NALF1: variants seen among roughly 807,000 people sequenced by gnomAD.
NALF1 encodes family with sequence similarity 155 member A.
NALF1 carries 3 observed loss-of-function variants against 48.4 expected under a neutral mutation model. That is an observed-to-expected ratio of 0.06 (90% CI 0.03 to 0.16). The LOEUF (loss-of-function observed/expected upper bound fraction) is 0.16. NALF1 is among the 10% of genes least tolerant of loss of function. The pLI, the probability that NALF1 is intolerant of heterozygous loss-of-function variation, is 1.00. For synonymous variants in NALF1, 262 were observed against 245.7 expected, an observed-to-expected ratio of 1.07 and a Z score of -0.62; for missense variants, 526 against 571.5, an observed-to-expected ratio of 0.92 and a Z score of 0.81.
rs953660492 is a variant in NALF1, at chr13:107,547,975, A to AT, written c.915+317706dup. ...ATGCTTGTCTAGAAAGCCCCTTCCT[A>AT]TTTTTTTTAAATTTTAGGTTCAGGA... On this transcript the variant is annotated intron_variant, in intron 1 of 2. Coordinates refer to ENST00000375915, the MANE Select transcript of NALF1 (RefSeq NM_001080396.3). Among the ~76,000 whole-genome samples, 6 of 151,972 alleles carry AT rather than the reference A, an allele frequency of 3.9e-5. No homozygotes were observed. The South Asian group carries it at 8.3e-4, about 21-fold the overall frequency.
chr13:107,798,955 A>C (rs1878517911), intron 1 of NALF1, among the ~76,000 whole-genome samples: 1 of 152,230 alleles, frequency 6.6e-6, no homozygotes, highest in Non-Finnish European at 1.5e-5. Flanking sequence ...TTTCTCTTTT[A>C]AGCTCACAAG....
intron 2 of NALF1, among the ~76,000 whole-genome samples, chr13:107,199,163 C>T (rs1594066081): frequency 6.6e-6 from 1 of 151,782 alleles, no homozygotes; most frequent in Admixed American, 6.6e-5. Flanking sequence ...TTCAATAGGA[C>T]AGATGTCATT....
intron 1 of NALF1, among the ~76,000 whole-genome samples, chr13:107,386,835 T>C (rs929741293): frequency 6.6e-6 from 1 of 152,154 alleles, no homozygotes; most frequent in African/African-American, 2.4e-5. Context: ...GAAAGTTATA[T>C]AAGATGATGG....
intron 1 of NALF1, among the ~76,000 whole-genome samples, chr13:107,326,192 A>G (rs1231031043): frequency 6.6e-6 from 1 of 151,976 alleles, no homozygotes; most frequent in Non-Finnish European, 1.5e-5. Context: ...CCTAAATAAT[A>G]TAAAATCTGG....
chr13:107,437,718 G>A (rs1884485921), intron 1 of NALF1, among the ~76,000 whole-genome samples: 1 of 152,140 alleles, frequency 6.6e-6, no homozygotes, highest in Non-Finnish European at 1.5e-5. Flanking sequence ...TTGCTAAAAA[G>A]GGGCAAGAGA....
intron 1 of NALF1, among the ~76,000 whole-genome samples, chr13:107,632,149 T>C (rs1879852280): frequency 6.6e-6 from 1 of 152,214 alleles, no homozygotes; most frequent in South Asian, 2.1e-4. Flanking sequence ...CAGGGTATTA[T>C]AAGTGTCTGT....
intron 1 of NALF1, among the ~76,000 whole-genome samples, chr13:107,333,673 C>T (rs1417736997): frequency 6.6e-6 from 1 of 152,222 alleles, no homozygotes; most frequent in Non-Finnish European, 1.5e-5. Flanking sequence ...ACCAAATACT[C>T]ATATACTTGA....
intron 1 of NALF1, among the ~76,000 whole-genome samples, chr13:107,392,687 G>T (rs1394827791): frequency 6.6e-6 from 1 of 152,110 alleles, no homozygotes; most frequent in Admixed American, 6.6e-5. Flanking sequence ...GCATGTGTGT[G>T]TGTGTGCGCG....
At chr13:107,772,289 C>T (rs1016642786) in intron 1 of NALF1, among the ~76,000 whole-genome samples, 3 of 151,996 alleles carry the variant, frequency 2.0e-5, no homozygotes, top group East Asian at 1.9e-4. Context: ...TTCTTTCTTG[C>T]GCGAGATCCA....
intron 1 of NALF1, among the ~76,000 whole-genome samples, chr13:107,388,185 T>C (rs1000400971): frequency 3.3e-5 from 5 of 152,248 alleles, no homozygotes; most frequent in Non-Finnish European, 7.3e-5. Context: ...TAATCATTTA[T>C]AATGTACGTC....
At chr13:107,827,402 G>T (rs145119123) in intron 1 of NALF1, among the ~76,000 whole-genome samples, 1,850 of 152,274 alleles carry the variant, frequency 0.012, 11 homozygotes, top group Non-Finnish European at 0.02. Context: ...CTTTCCTTCA[G>T]GTCATTCCAA....
At chr13:107,527,546 T>C (rs117357334) in intron 1 of NALF1, among the ~76,000 whole-genome samples, 5,522 of 152,222 alleles carry the variant, frequency 0.036, 172 homozygotes, top group African/African-American at 0.085. Flanking sequence ...TTTATACGCC[T>C]CAATTTAAAA....
At chr13:107,817,952 T>C (rs571361561) in intron 1 of NALF1, among the ~76,000 whole-genome samples, 12 of 152,328 alleles carry the variant, frequency 7.9e-5, no homozygotes, top group Non-Finnish European at 1.5e-4. Flanking sequence ...CTGTTAAGAT[T>C]TATGAATATG....
At chr13:107,464,229 A>AG (rs1224344012) in intron 1 of NALF1, among the ~76,000 whole-genome samples, 2 of 152,032 alleles carry the variant, frequency 1.3e-5, no homozygotes, top group Non-Finnish European at 2.9e-5. Context: ...CTCACATTAA[A>AG]AAAAAACTGT....
chr13:107,612,923 T>C (rs530497114), intron 1 of NALF1, among the ~76,000 whole-genome samples: 1 of 152,134 alleles, frequency 6.6e-6, no homozygotes, highest in African/African-American at 2.4e-5. Context: ...CACAGCCTAT[T>C]GGCTCCATTT....
rs1555314240 is a variant in NALF1, at chr13:107,638,201, A to ATATATGTATG, written c.915+227480_915+227481insCATACATATA. On this transcript the variant is annotated intron_variant, in intron 1 of 2. Transcript: ENST00000375915. ...TATATAAAGATTTATATATATATAT[A>ATATATGTATG]TATATAATTTAAGATGAACATTGGG... is the stretch of plus-strand genomic sequence containing the variant. Among the ~76,000 whole-genome samples, 252 of 110,850 alleles carry ATATATGTATG rather than the reference A, an allele frequency of 2.3e-3. 26 individuals carry two copies. The East Asian group carries it at 0.023, about 10-fold the overall frequency. 72.7% of individuals were successfully genotyped at this position (110,850 alleles called of 152,430 possible).
intron 1 of NALF1, among the ~76,000 whole-genome samples, chr13:107,726,469 C>CATGA (rs1876153046): frequency 6.6e-6 from 1 of 152,040 alleles, no homozygotes; most frequent in African/African-American, 2.4e-5. Context: ...ATACATGATA[C>CATGA]TAAGGTGTTC....
At chr13:107,435,672 T>C (rs1566341291) in intron 1 of NALF1, among the ~76,000 whole-genome samples, 1 of 151,816 alleles carries the variant, frequency 6.6e-6, no homozygotes, top group African/African-American at 2.4e-5. Flanking sequence ...TTCTCAAAGA[T>C]GAAAAGGAAG....
At chr13:107,388,474 T>C (rs1303159887) in intron 1 of NALF1, among the ~76,000 whole-genome samples, 1 of 152,184 alleles carries the variant, frequency 6.6e-6, no homozygotes, top group South Asian at 2.1e-4. Context: ...CTGCCTCTTT[T>C]TGAATGCTTC....
Sources: gnomAD v4.1 joint callset for allele counts (sites outside exome capture counted in the v4.1 genomes callset) on GRCh38, gnomAD v4.1.1 for gene constraint, MANE v1.5 for transcripts, NCBI Gene and HGNC (gene_info 2026-07-23, HGNC 2026-07-21) for gene names.